The following HSPG2 variants were observed in gnomAD, a reference collection of about 807,000 sequenced individuals.
The protein encoded by HSPG2 is heparan sulfate proteoglycan 2.
HSPG2 carries 278 observed loss-of-function variants against 526.6 expected under a neutral mutation model. The observed-to-expected ratio is 0.53, with a 90% CI of 0.48 to 0.58. The LOEUF is 0.58. Ranked by LOEUF, HSPG2 falls within the 20% of genes least tolerant of loss-of-function variation. The probability of loss-of-function intolerance (pLI) is 0.00; values close to 1 mark genes in which losing one functional copy is unlikely to be tolerated. For missense variants in HSPG2, 5,354 were observed against 6,099.5 expected, an observed-to-expected ratio of 0.88 and a Z score of 4.07; for synonymous variants, 2,465 against 2,555.4, an observed-to-expected ratio of 0.96 and a Z score of 1.07.
chr1:21,869,581 T>TG (rs1640490669), intron 33 of HSPG2: 1 of 985,916 alleles, frequency 1.0e-6, no homozygotes, highest in Admixed American at 6.2e-5. Flanking sequence ...AGAGAGCCCC[T>TG]GGGGAGGGGG....
chr1:21,837,372 C>T (rs1235046666), intron 74 of HSPG2, among the ~76,000 whole-genome samples: 1 of 152,210 alleles, frequency 6.6e-6, no homozygotes, highest in Non-Finnish European at 1.5e-5. Context: ...CGTCCACCTC[C>T]CGGGTTCAAG....
At chr1:21,913,987 T>A (rs745660159) in intron 1 of HSPG2, among the ~76,000 whole-genome samples, 4 of 152,136 alleles carry the variant, frequency 2.6e-5, no homozygotes, top group Non-Finnish European at 5.9e-5. Flanking sequence ...ACCTGTGAAA[T>A]TTGTGGCGCT....
chr1:21,896,041 T>G, intron 2 of HSPG2, 75 bp from the exon 3 acceptor site: 1 of 1,587,054 alleles, frequency 6.3e-7, no homozygotes, highest in South Asian at 1.1e-5. Context: ...GGCACTGTTC[T>G]GGGCACCTAG....
rs140415381 is a variant in HSPG2, at chr1:21,834,392, C to T, written c.10720+287G>A. ...TGCCCTCAGACTATGCTGCAGGTCTCTCCCAGCAGAGCAGGCACTCCCTGC... is the reference window on the plus strand; with the variant it reads ...TGCCCTCAGACTATGCTGCAGGTCTTTCCCAGCAGAGCAGGCACTCCCTGC... On this transcript the variant is annotated intron_variant, in intron 77 of 96. Coordinates refer to ENST00000374695, the MANE Select transcript of HSPG2 (RefSeq NM_005529.7). Among the ~76,000 whole-genome samples the T allele has an allele frequency of 5.4e-4, 83 of 152,296 alleles. 1 individual carries two copies. Among genetic ancestry groups the T allele is most frequent in the African/African-American group, 1.9e-3 (78 of 41,576 alleles).
chr1:21,916,820 G>C (rs1643897982), intron 1 of HSPG2, among the ~76,000 whole-genome samples: 1 of 152,088 alleles, frequency 6.6e-6, no homozygotes, highest in Non-Finnish European at 1.5e-5. Context: ...TTGATCCTTA[G>C]GCCAAGGCTG....
In HSPG2 at chr1:21,854,945, G is replaced by C. The variant is rs1639215607; in HGVS notation, c.6036C>G (p.Ile2012Met). 1 of 1,613,884 alleles carries C rather than the reference G, an allele frequency of 6.2e-7. No individual in the cohort carries two copies. Among genetic ancestry groups the C allele is most frequent in the African/African-American group, 1.3e-5 (1 of 74,956 alleles). ...SERTDIATLLIPAITTADAGF... is the reference protein window; with the variant it reads ...SERTDIATLLMPAITTADAGF... ...CGGCGTCAGCAGTCGTGATGGCTGGGATGAGCAGTGTCGCGATGTCTGTGC... is the reference window on the plus strand; with the variant it reads ...CGGCGTCAGCAGTCGTGATGGCTGGCATGAGCAGTGTCGCGATGTCTGTGC... Residue 2012 changes from isoleucine to methionine, a missense_variant, in exon 48 of 97, where the codon ATC becomes ATG. Physicochemically the swap from Ile to Met is conservative, Grantham distance 10. Transcript: ENST00000374695.
intron 1 of HSPG2, among the ~76,000 whole-genome samples, chr1:21,915,190 C>G (rs979679292): frequency 5.6e-5 from 3 of 53,976 alleles, no homozygotes. Flanking sequence ...CGCGTTAGAG[C>G]GGGCAGGGTG....
intron 33 of HSPG2, chr1:21,870,169 C>T (rs2152742323): frequency 1.2e-6 from 1 of 864,348 alleles, no homozygotes; most frequent in Non-Finnish European, 1.4e-6. Flanking sequence ...GGTCTCCTCG[C>T]TGTGGCCCTA....
At position 21,872,722 on chromosome 1, in the gene HSPG2, G is replaced by C; in HGVS notation, c.3927C>G (p.Pro1309=). 1.2e-6 allele frequency: 2 copies of C among 1,609,722 alleles called. No individual in the cohort carries two copies. Among genetic ancestry groups the C allele is most frequent in the African/African-American group, 2.7e-5 (2 of 75,016 alleles). ...TGCTGGCACTCAGGTGGAAGTGGTGGGGCCGGCAGTGGCTGCAAGTGAGGC... is the reference window on the plus strand; with the variant it reads ...TGCTGGCACTCAGGTGGAAGTGGTGCGGCCGGCAGTGGCTGCAAGTGAGGC... The part of the protein sequence containing the change: ...VEGLTCSHCR[P]HHFHLSASNP... Residue 1309 remains proline (P), a synonymous_variant, in exon 32 of 97, where the codon CCC becomes CCG. Coordinates refer to ENST00000374695, the MANE Select transcript of HSPG2 (RefSeq NM_005529.7). The surrounding 1 kb of genome is among the most constrained non-coding windows in gnomAD (Gnocchi z 5.5).
intron 3 of HSPG2, among the ~76,000 whole-genome samples, chr1:21,892,877 A>AG (rs996176631): frequency 6.6e-5 from 10 of 150,716 alleles, no homozygotes; most frequent in African/African-American, 1.9e-4. Context: ...AAAAAAAAAA[A>AG]AAAGAAAAGA....
chr1:21,856,866 C>T lies in HSPG2; in HGVS notation c.5575+149G>A, dbSNP rs1639380410. ...GAGGACCGAGATACTGTACATGCTT[C>T]TCTCCCCTGCTTCTGCAGAGCCTAG... On this transcript the variant is annotated intron_variant, in intron 44 of 96. Transcript: ENST00000374695. 7 of 830,356 alleles carry T rather than the reference C, an allele frequency of 8.4e-6. No homozygotes were observed. In the South Asian group the frequency reaches 8.6e-5, roughly 10 times the overall value. The allele number at this position is 830,356 out of a possible 1,614,324, so 51.4% of individuals were successfully genotyped here.
intron 1 of HSPG2, among the ~76,000 whole-genome samples, chr1:21,936,604 G>A: frequency 6.6e-6 from 1 of 152,152 alleles, no homozygotes; most frequent in Non-Finnish European, 1.5e-5. Context: ...TCAACTCTTC[G>A]GCTGTATGAC....
In HSPG2 at chr1:21,848,234, G is replaced by T; in HGVS notation, c.7738-141C>A. 2 of 1,012,312 alleles carry T rather than the reference G, an allele frequency of 2.0e-6. No homozygotes were observed. The highest frequency in any genetic ancestry group is 3.0e-6 in the Non-Finnish European group (2 of 674,252). The allele number at this position is 1,012,312 out of a possible 1,614,324, so 62.7% of individuals were successfully genotyped here. The stretch of plus-strand genomic sequence containing the variant: ...TGGCCTTCGTGAAGCTCCCAGCATG[G>T]CATGTGGCCTGTCTCTGGGCTGGGG... On this transcript the variant is annotated intron_variant, in intron 59 of 96. Transcript: ENST00000374695. This position sits in a 1 kb window ranked among gnomAD's most constrained non-coding sequence, Gnocchi z 4.9.
intron 1 of HSPG2, among the ~76,000 whole-genome samples, chr1:21,900,934 C>T (rs765091166): frequency 9.2e-5 from 14 of 152,154 alleles, no homozygotes; most frequent in Non-Finnish European, 1.8e-4. Context: ...TGAACTGAAC[C>T]GACATGAAGC....
At chr1:21,837,699 T>C (rs1363309269) in intron 74 of HSPG2, among the ~76,000 whole-genome samples, 1 of 152,102 alleles carries the variant, frequency 6.6e-6, no homozygotes, top group Non-Finnish European at 1.5e-5. Context: ...AGGGGACAGA[T>C]GGGAGGCGGG....
At chr1:21,906,172 C>T (rs1643368743) in intron 1 of HSPG2, among the ~76,000 whole-genome samples, 1 of 152,224 alleles carries the variant, frequency 6.6e-6, no homozygotes, top group Non-Finnish European at 1.5e-5. Flanking sequence ...CTGGTCCCGC[C>T]GATGATGCCT....
In HSPG2 at chr1:21,831,694, G is replaced by A. The variant is rs1027697653; in HGVS notation, c.11310C>T (p.Ser3770=). The part of the protein sequence containing the change: ...VTLLRSLTQG[S]LIVGDLAPVN... Reference sequence around the variant, plus strand: ...CCGGGGCCAGGTCACCCACAATCAGGGAGCCCTGGGTGAGGCTGCGCAGCA... The same window carrying A: ...CCGGGGCCAGGTCACCCACAATCAGAGAGCCCTGGGTGAGGCTGCGCAGCA... The change falls in exon 82 of 97, where the codon TCC becomes TCT. Residue 3770 remains serine, a synonymous_variant. Coordinates refer to ENST00000374695, the MANE Select transcript of HSPG2 (RefSeq NM_005529.7). The A allele has an allele frequency of 1.2e-6, 2 of 1,606,062 alleles. No individual in the cohort carries two copies. Among genetic ancestry groups the A allele is most frequent in the Non-Finnish European group, 1.7e-6 (2 of 1,175,666 alleles).
At chr1:21,870,382 G>T (rs1281766998) in intron 33 of HSPG2, 3 of 731,480 alleles carry the variant, frequency 4.1e-6, no homozygotes, top group Non-Finnish European at 5.0e-6. Context: ...CATGGGCAGG[G>T]TCCTCTACCC....
chr1:21,867,330 C>G (rs957777743), intron 33 of HSPG2, among the ~76,000 whole-genome samples: 1 of 152,030 alleles, frequency 6.6e-6, no homozygotes, highest in African/African-American at 2.4e-5. Context: ...AGCGATTTTT[C>G]AGCCTCAGTC....
Sources: gnomAD v4.1 joint callset for allele counts (sites outside exome capture counted in the v4.1 genomes callset) on GRCh38, gnomAD v4.1.1 for gene constraint, Gnocchi (gnomAD v3.1) non-coding constraint, MANE v1.5 for transcripts, NCBI Gene and HGNC (gene_info 2026-07-23, HGNC 2026-07-21) for gene names.